PPP3CA: variants seen among roughly 807,000 people sequenced by gnomAD.
PPP3CA encodes the protein protein phosphatase 3 catalytic subunit alpha, also known as CAM-PRP catalytic subunit.
PPP3CA carries 14 observed loss-of-function variants against 66.5 expected under a neutral mutation model. That is an observed-to-expected ratio of 0.21 (90% CI 0.14 to 0.33). PPP3CA has a LOEUF of 0.33. Ranked by LOEUF, PPP3CA falls within the 10% of genes least tolerant of loss-of-function variation. The pLI is 1.00. For synonymous variants in PPP3CA, 232 were observed against 226.2 expected, an observed-to-expected ratio of 1.03 and a Z score of -0.23; for missense variants, 317 against 639.5, an observed-to-expected ratio of 0.50 and a Z score of 5.44.
chr4:101,312,994 C>T (rs1054224651), intron 1 of PPP3CA, among the ~76,000 whole-genome samples: 81 of 152,080 alleles, frequency 5.3e-4, no homozygotes, highest in Admixed American at 6.6e-4. Context: ...AATAAATGTA[C>T]AAAATCTTAT....
chr4:101,191,360 T>C (rs1724596867), intron 2 of PPP3CA, among the ~76,000 whole-genome samples: 1 of 152,158 alleles, frequency 6.6e-6, no homozygotes, highest in African/African-American at 2.4e-5. Context: ...TCAAAGGACT[T>C]TGGCTCTCAT....
At chr4:101,134,999 C>G (rs1722569998) in intron 2 of PPP3CA, among the ~76,000 whole-genome samples, 1 of 152,022 alleles carries the variant, frequency 6.6e-6, no homozygotes, top group African/African-American at 2.4e-5. Context: ...TGTTCTCACT[C>G]ATAAGTGGGA....
In PPP3CA at chr4:101,207,698, C is replaced by T. The variant is rs1032894967; in HGVS notation, c.59-11582G>A. Among the ~76,000 whole-genome samples, 45 of 152,030 alleles carry T rather than the reference C, an allele frequency of 3.0e-4. 1 individual carries two copies. Among genetic ancestry groups the T allele is most frequent in the Admixed American group, 2.6e-3 (40 of 15,272 alleles). On this transcript the variant is annotated intron_variant, in intron 1 of 13. Coordinates refer to ENST00000394854, the MANE Select transcript of PPP3CA (RefSeq NM_000944.5). ...AAAAGCAGCCAGGCATGCTGGCAGG[C>T]GCCTGTAATCCCAGCTACTTGGGAG...
Position 101,207,133 on chromosome 4 carries a change from A to G in PPP3CA, c.59-11017T>C, listed in dbSNP as rs546554056. Reference sequence around the variant, plus strand: ...GTCACAAATAAATCTGTTGTTATTTATGATGCAAAATTATCCCTGTAACAA... The same window carrying G: ...GTCACAAATAAATCTGTTGTTATTTGTGATGCAAAATTATCCCTGTAACAA... On this transcript the variant is annotated intron_variant, in intron 1 of 13. Coordinates refer to ENST00000394854, the MANE Select transcript of PPP3CA (RefSeq NM_000944.5). Among the ~76,000 whole-genome samples the G allele has an allele frequency of 1.6e-4, 25 of 152,346 alleles. No homozygotes were observed. The South Asian group carries it at 5.2e-3, about 32-fold the overall frequency.
At chr4:101,340,165 CTATT>C (rs1480472314) in intron 1 of PPP3CA, among the ~76,000 whole-genome samples, 13 of 152,142 alleles carry the variant, frequency 8.5e-5, no homozygotes, top group African/African-American at 1.4e-4. Flanking sequence ...TCCCTGATAT[CTATT>C]TGTTTCCCTC....
At chr4:101,146,465 T>C (rs1306378493) in intron 2 of PPP3CA, among the ~76,000 whole-genome samples, 1 of 151,862 alleles carries the variant, frequency 6.6e-6, no homozygotes, top group Non-Finnish European at 1.5e-5. Flanking sequence ...TTTTTTTAAA[T>C]GGAGTCTCGC....
intron 2 of PPP3CA, among the ~76,000 whole-genome samples, chr4:101,125,412 T>C (rs1442064545): frequency 6.6e-6 from 1 of 152,064 alleles, no homozygotes; most frequent in Non-Finnish European, 1.5e-5. Flanking sequence ...ATCCACCAAT[T>C]CCAGCAAAAC....
At chr4:101,290,428 G>C (rs1449225443) in intron 1 of PPP3CA, among the ~76,000 whole-genome samples, 2 of 152,094 alleles carry the variant, frequency 1.3e-5, no homozygotes, top group African/African-American at 4.8e-5. Context: ...ACACTTATCA[G>C]TAACTGGTAT....
intron 6 of PPP3CA, among the ~76,000 whole-genome samples, chr4:101,084,684 C>T: frequency 6.6e-6 from 1 of 151,880 alleles, no homozygotes; most frequent in South Asian, 2.1e-4. Flanking sequence ...TATAGAGATA[C>T]TGACTATAAA....
intron 1 of PPP3CA, among the ~76,000 whole-genome samples, chr4:101,291,124 C>T (rs950689490): frequency 7.3e-6 from 1 of 136,108 alleles, no homozygotes; most frequent in African/African-American, 3.4e-5. Context: ...TGATGTTTTG[C>T]CCCTTAACTA....
chr4:101,125,998 T>C (rs537794892), intron 2 of PPP3CA, among the ~76,000 whole-genome samples: 18 of 152,250 alleles, frequency 1.2e-4, no homozygotes, highest in African/African-American at 3.9e-4. Context: ...TACTACATGG[T>C]AGGGGGTAGG....
chr4:101,290,436 T>C (rs1011078992), intron 1 of PPP3CA, among the ~76,000 whole-genome samples: 2 of 152,236 alleles, frequency 1.3e-5, no homozygotes, highest in African/African-American at 2.4e-5. Flanking sequence ...CAGTAACTGG[T>C]ATTTTCTTGC....
chr4:101,288,863 T>C (rs1451963928), intron 1 of PPP3CA, among the ~76,000 whole-genome samples: 1 of 152,002 alleles, frequency 6.6e-6, no homozygotes, highest in African/African-American at 2.4e-5. Flanking sequence ...CACACACACA[T>C]ATACACAGGC....
chr4:101,093,998 A>C, intron 5 of PPP3CA, 83 bp from the exon 6 acceptor site: 1 of 1,309,372 alleles, frequency 7.6e-7, no homozygotes, highest in Non-Finnish European at 1.0e-6. Flanking sequence ...AGCACTGTGC[A>C]GAACCCATCC....
chr4:101,029,042 TACTG>T, intron 13 of PPP3CA, 120 bp downstream of exon 13: 1 of 855,444 alleles, frequency 1.2e-6, no homozygotes, highest in Non-Finnish European at 1.9e-6. Flanking sequence ...TTTTGGTTAA[TACTG>T]AGCCACAACT....
intron 1 of PPP3CA, among the ~76,000 whole-genome samples, chr4:101,332,229 G>A (rs1729410456): frequency 6.6e-6 from 1 of 152,156 alleles, no homozygotes; most frequent in Admixed American, 6.5e-5. Flanking sequence ...CAAGAGAAAA[G>A]TCTAGGTTTC....
chr4:101,288,228 A>G (rs935812293), intron 1 of PPP3CA, among the ~76,000 whole-genome samples: 2 of 152,196 alleles, frequency 1.3e-5, no homozygotes, highest in African/African-American at 4.8e-5. Context: ...ATAAATCACT[A>G]AAATGGCCAG....
chr4:101,048,598 A>C (rs1360356505), intron 10 of PPP3CA, among the ~76,000 whole-genome samples: 2 of 151,796 alleles, frequency 1.3e-5, no homozygotes, highest in South Asian at 4.1e-4. Context: ...CAAGACAACA[A>C]GTGAAAAAAA....
chr4:101,028,319 A>G (rs1033236860), intron 13 of PPP3CA, among the ~76,000 whole-genome samples: 4 of 152,238 alleles, frequency 2.6e-5, no homozygotes, highest in Admixed American at 1.3e-4. Flanking sequence ...TTTGATATGC[A>G]GTTCTCTTAT....
Sources: gnomAD v4.1 joint callset for allele counts (sites outside exome capture counted in the v4.1 genomes callset) on GRCh38, gnomAD v4.1.1 for gene constraint, MANE v1.5 for transcripts, NCBI Gene and HGNC (gene_info 2026-07-23, HGNC 2026-07-21) for gene names.